GRAMD1B: variants seen among roughly 807,000 people sequenced by gnomAD.
The protein encoded by GRAMD1B is protein Aster-B.
In GRAMD1B, 37 loss-of-function variants were observed where a neutral mutation model predicts 99.7. The ratio of observed to expected loss-of-function variants is 0.37; its 90% CI spans 0.29 to 0.49. The LOEUF is 0.49. Ranked by LOEUF, GRAMD1B falls within the 20% of genes least tolerant of loss-of-function variation. The pLI, the probability that GRAMD1B is intolerant of heterozygous loss-of-function variation, is 0.98. For missense variants in GRAMD1B, 888 were observed against 1,009.2 expected, an observed-to-expected ratio of 0.88 and a Z score of 1.63; for synonymous variants, 427 against 387.6, an observed-to-expected ratio of 1.10 and a Z score of -1.19.
chr11:123,458,694 T>G (rs1275227396), intron 1 of GRAMD1B: 9 of 84,432 alleles, frequency 1.1e-4, no homozygotes, highest in African/African-American at 2.9e-4. Flanking sequence ...CTGTTTTGTT[T>G]TTTTTTTTTT....
intron 1 of GRAMD1B, among the ~76,000 whole-genome samples, chr11:123,451,498 T>C (rs1325446538): frequency 6.6e-6 from 1 of 152,250 alleles, no homozygotes; most frequent in Non-Finnish European, 1.5e-5. Flanking sequence ...GACATTATAC[T>C]GAGGCTTATG....
intron 1 of GRAMD1B, among the ~76,000 whole-genome samples, chr11:123,470,156 T>C (rs1337027725): frequency 1.3e-5 from 2 of 152,172 alleles, no homozygotes; most frequent in African/African-American, 4.8e-5. Context: ...GATCAAGTCA[T>C]ATTCAGGACT....
At chr11:123,452,729 G>A (rs1342994326) in intron 1 of GRAMD1B, among the ~76,000 whole-genome samples, 2 of 152,176 alleles carry the variant, frequency 1.3e-5, no homozygotes, top group African/African-American at 2.4e-5. Context: ...TCAATATTAG[G>A]TCTACTTCAT....
intron 1 of GRAMD1B, among the ~76,000 whole-genome samples, chr11:123,393,501 G>A (rs1029812434): frequency 1.6e-4 from 25 of 152,128 alleles, no homozygotes; most frequent in African/African-American, 5.8e-4. Context: ...TGGGGCTGGA[G>A]GATCCAGTTC....
chr11:123,384,459 C>A (rs111391138), intron 1 of GRAMD1B, among the ~76,000 whole-genome samples: 2,830 of 152,246 alleles, frequency 0.019, 42 homozygotes, highest in Non-Finnish European at 0.032. Flanking sequence ...GCCCAGGTAA[C>A]CCCCTTCCCC....
rs115819587 is a variant in GRAMD1B at position 123,605,981 on chromosome 11, A to G, written c.1323+503A>G. Reference sequence around the variant, plus strand: ...CTCTGTCCTGTGGGACTCTGTTAATAGAGGAGGTAGAACCTTGATGAGGAA... The same window carrying G: ...CTCTGTCCTGTGGGACTCTGTTAATGGAGGAGGTAGAACCTTGATGAGGAA... On this transcript the variant is annotated intron_variant, in intron 10 of 19. Transcript: ENST00000635736. Among the ~76,000 whole-genome samples, 528 of 152,314 alleles carry G rather than the reference A, an allele frequency of 3.5e-3. 5 individuals carry two copies. Among genetic ancestry groups the G allele is most frequent in the African/African-American group, 0.012 (511 of 41,560 alleles).
intron 1 of GRAMD1B, among the ~76,000 whole-genome samples, chr11:123,455,965 T>C (rs566411218): frequency 1.9e-4 from 29 of 151,938 alleles, no homozygotes; most frequent in African/African-American, 7.0e-4. Flanking sequence ...AGGTCAGGAG[T>C]TCGAGACCAG....
chr11:123,548,307 T>TAC (rs1430665474), intron 2 of GRAMD1B, among the ~76,000 whole-genome samples: 6 of 79,274 alleles, frequency 7.6e-5, no homozygotes, highest in African/African-American at 4.3e-4. Flanking sequence ...TATATATATA[T>TAC]ATATATATAT....
intron 1 of GRAMD1B, among the ~76,000 whole-genome samples, chr11:123,370,074 G>T (rs1297484438): frequency 6.6e-6 from 1 of 151,832 alleles, no homozygotes; most frequent in Non-Finnish European, 1.5e-5. Context: ...TAGCACACTG[G>T]GGGGCTGAGG....
Position 123,610,009 on chromosome 11 carries a change from C to T in GRAMD1B, c.1776+96C>T, listed in dbSNP as rs753257007. 5.5e-5 allele frequency: 48 copies of T among 871,334 alleles called. No individual in the cohort carries two copies. Among genetic ancestry groups the T allele is most frequent in the Non-Finnish European group, 8.6e-5 (46 of 537,812 alleles). 54.0% of individuals were successfully genotyped at this position (871,334 alleles called of 1,614,324 possible). On this transcript the variant is annotated intron_variant, in intron 13 of 19. Transcript: ENST00000635736. The surrounding 1 kb of genome is among the most constrained non-coding windows in gnomAD (Gnocchi z 4.1). ...CAGATGTCAGGAAGAAGTTTCAGGG[C>T]GCAAGTGTCATTTTGCCCCAAAGCG... is the stretch of plus-strand genomic sequence containing the variant.
At chr11:123,387,280 A>G (rs1464222839) in intron 1 of GRAMD1B, among the ~76,000 whole-genome samples, 2 of 152,094 alleles carry the variant, frequency 1.3e-5, no homozygotes, top group Non-Finnish European at 2.9e-5. Flanking sequence ...TCAGACAAGG[A>G]CTAATTTGGC....
chr11:123,374,635 TA>T (rs1041561466), intron 1 of GRAMD1B, among the ~76,000 whole-genome samples: 2 of 152,236 alleles, frequency 1.3e-5, no homozygotes, highest in African/African-American at 4.8e-5. Context: ...ACTTGTCTGC[TA>T]TTTGGTTAAA....
upstream of GRAMD1B, among the ~76,000 whole-genome samples, chr11:123,428,146 CT>C (rs1948718315): frequency 6.6e-6 from 1 of 152,160 alleles, no homozygotes; most frequent in African/African-American, 2.4e-5. Flanking sequence ...CCCTGAGACC[CT>C]CATCTTCTAT....
At chr11:123,483,230 T>A (rs1951706000) in intron 2 of GRAMD1B, among the ~76,000 whole-genome samples, 1 of 152,020 alleles carries the variant, frequency 6.6e-6, no homozygotes. Flanking sequence ...GAGAACGAAG[T>A]GACTAACGGG....
chr11:123,610,258 C>T lies in GRAMD1B; in HGVS notation c.1839C>T (p.His613=), dbSNP rs752871193. Residue 613 remains histidine (H), a synonymous_variant, in exon 14 of 20, where the codon CAC becomes CAT. Coordinates refer to ENST00000635736, the MANE Select transcript of GRAMD1B (RefSeq NM_001387025.1). This position sits in a 1 kb window ranked among gnomAD's most constrained non-coding sequence, Gnocchi z 4.1. ...CYVIDAEVLT[H]DVPYHDYFYT... ...TGATAGATGCCGAAGTCCTCACCCACGACGTGCCCTACCATGACTACTTCT... is the reference window on the plus strand; with the variant it reads ...TGATAGATGCCGAAGTCCTCACCCATGACGTGCCCTACCATGACTACTTCT... 2 of 1,613,654 alleles carry T rather than the reference C, an allele frequency of 1.2e-6. No individual in the cohort carries two copies. Among genetic ancestry groups the T allele is most frequent in the Non-Finnish European group, 1.7e-6 (2 of 1,179,582 alleles).
chr11:123,525,762 G>A (rs371188400), intron 2 of GRAMD1B: 3 of 281,338 alleles, frequency 1.1e-5, no homozygotes, highest in Non-Finnish European at 1.4e-5. Flanking sequence ...GGTATGAGGT[G>A]AGGGTGGGGG....
At chr11:123,363,392 A>G (rs1946209919) in intron 1 of GRAMD1B, among the ~76,000 whole-genome samples, 1 of 152,180 alleles carries the variant, frequency 6.6e-6, no homozygotes, top group Non-Finnish European at 1.5e-5. Context: ...TCCTCAAGAG[A>G]GTGGCAGACA....
At position 123,492,637 on chromosome 11, in the gene GRAMD1B, C is replaced by T; in HGVS notation, c.452+11744C>T. ...TTAAATTTGAAGGCTGACAGGCATT[C>T]AAGAGAGAGGATCATGTAAACTTAT... is the stretch of plus-strand genomic sequence containing the variant. On this transcript the variant is annotated intron_variant, in intron 2 of 19. Transcript: ENST00000635736. This position sits in a 1 kb window ranked among gnomAD's most constrained non-coding sequence, Gnocchi z 4.2. Among the ~76,000 whole-genome samples, 1 of 151,998 alleles carries T rather than the reference C, an allele frequency of 6.6e-6. No homozygotes were observed. The highest frequency in any genetic ancestry group is 1.5e-5 in the Non-Finnish European group (1 of 68,006).
At chr11:123,513,557 C>CT (rs1242904512) in intron 2 of GRAMD1B, among the ~76,000 whole-genome samples, 8 of 102,856 alleles carry the variant, frequency 7.8e-5, no homozygotes, top group African/African-American at 3.1e-4. Context: ...CCTTTCTTTC[C>CT]TTCCTTCCTT....
Sources: allele counts gnomAD v4.1 joint callset (sites outside exome capture counted in the v4.1 genomes callset), GRCh38; gene constraint gnomAD v4.1.1; non-coding constraint Gnocchi (gnomAD v3.1); transcripts MANE v1.5; gene names NCBI Gene and HGNC (gene_info 2026-07-23, HGNC 2026-07-21).